CUX1: variants seen among roughly 807,000 people sequenced by gnomAD.
The protein encoded by CUX1 is cut like homeobox 1, also known as protein CASP.
CUX1 carries 31 observed loss-of-function variants against 158.8 expected under a neutral mutation model. The ratio of observed to expected loss-of-function variants is 0.20; its 90% CI spans 0.15 to 0.26. The LOEUF (loss-of-function observed/expected upper bound fraction) is 0.26, where lower values mean the gene tolerates loss of function less well. Ranked by LOEUF, CUX1 falls within the 10% of genes least tolerant of loss-of-function variation. The probability of loss-of-function intolerance (pLI) is 1.00; values close to 1 mark genes in which losing one functional copy is unlikely to be tolerated. For synonymous variants in CUX1, 879 were observed against 862.1 expected, an observed-to-expected ratio of 1.02 and a Z score of -0.34; for missense variants, 1,589 against 2,014.6, an observed-to-expected ratio of 0.79 and a Z score of 4.04.
chr7:102,159,020 G>A (rs975656378), intron 9 of CUX1, among the ~76,000 whole-genome samples: 4 of 150,060 alleles, frequency 2.7e-5, no homozygotes, highest in Non-Finnish European at 5.9e-5. Flanking sequence ...GTTCCTTAGT[G>A]TAGACATCTC....
chr7:101,920,801 G>A (rs781215690), intron 2 of CUX1, among the ~76,000 whole-genome samples: 3 of 152,132 alleles, frequency 2.0e-5, no homozygotes, highest in Non-Finnish European at 4.4e-5. Flanking sequence ...ATTGAATTAA[G>A]AATCAATCGT....
At chr7:102,077,528 TAA>T (rs35999980) in intron 4 of CUX1, among the ~76,000 whole-genome samples, 1 of 113,944 alleles carries the variant, frequency 8.8e-6, no homozygotes, top group African/African-American at 3.3e-5. Context: ...CCCATCTCTT[TAA>T]AAAAAAAAAA....
chr7:102,065,058 G>A (rs1399285440), intron 3 of CUX1, among the ~76,000 whole-genome samples: 3 of 152,050 alleles, frequency 2.0e-5, no homozygotes, highest in Non-Finnish European at 1.5e-5. Context: ...AGGGAGGATG[G>A]ACTAAACTCC....
chr7:102,189,904 G>T (rs782066222), intron 12 of CUX1, 33 bp downstream of exon 12: 1 of 1,607,990 alleles, frequency 6.2e-7, no homozygotes, highest in South Asian at 1.1e-5. Flanking sequence ...CCCCTCACAC[G>T]CTGGGGCGCA....
At chr7:102,161,796 C>T (rs397479) in intron 9 of CUX1, among the ~76,000 whole-genome samples, 10,159 of 152,026 alleles carry the variant, frequency 0.067, 395 homozygotes, top group African/African-American at 0.085. Context: ...TTAGTAGAGA[C>T]GGGGTTTCAC....
intron 17 of CUX1, among the ~76,000 whole-genome samples, chr7:102,277,196 G>C (rs1180781713): frequency 6.6e-6 from 1 of 152,074 alleles, no homozygotes; most frequent in Non-Finnish European, 1.5e-5. Context: ...TACCTGGGAG[G>C]CTGAGATGGG....
intron 5 of CUX1, among the ~76,000 whole-genome samples, chr7:102,100,845 G>T (rs782786445): frequency 1.8e-4 from 27 of 152,068 alleles, no homozygotes; most frequent in Non-Finnish European, 3.8e-4. Context: ...ATTGTGTGTT[G>T]CTGTAAAGAA....
At chr7:102,112,724 T>A (rs1416762513) in intron 7 of CUX1, among the ~76,000 whole-genome samples, 1 of 151,958 alleles carries the variant, frequency 6.6e-6, no homozygotes, top group Admixed American at 6.6e-5. Flanking sequence ...ATGCCCGCCA[T>A]AATACCCGCC....
At chr7:101,920,493 A>G (rs529999545) in intron 2 of CUX1, among the ~76,000 whole-genome samples, 10 of 152,304 alleles carry the variant, frequency 6.6e-5, no homozygotes, top group Non-Finnish European at 1.3e-4. Flanking sequence ...TCCTGCGCTC[A>G]AGCAGGGTCC....
At chr7:101,937,966 C>T (rs1807147046) in intron 2 of CUX1, among the ~76,000 whole-genome samples, 1 of 152,194 alleles carries the variant, frequency 6.6e-6, no homozygotes, top group African/African-American at 2.4e-5. Context: ...GTTCTACCCA[C>T]ACTCTTGCCC....
rs782625196 is a variant in CUX1 at position 102,255,885 on chromosome 7, A to G, written c.*6843A>G. The G allele has an allele frequency of 6.1e-6, 6 of 985,250 alleles. No homozygotes were observed. The highest frequency in any genetic ancestry group is 6.0e-6 in the Non-Finnish European group (5 of 829,806). The allele number at this position is 985,250 out of a possible 1,614,324, so 61.0% of individuals were successfully genotyped here. On this transcript the variant is annotated 3_prime_UTR_variant, in exon 24 of 24. Transcript: ENST00000292535. ...TAAACGGAAAGCACTTAAATAGATG[A>G]CTATGTGTAAAAGCTCTGTGCAATT...
In CUX1 at chr7:102,057,148, G is replaced by A. The variant is rs568873669; in HGVS notation, c.190-13191G>A. Among the ~76,000 whole-genome samples the A allele has an allele frequency of 5.9e-5, 9 of 152,178 alleles. No homozygotes were observed. In the East Asian group the frequency reaches 1.5e-3, roughly 26 times the overall value. ...GATCTCCTGACCTCGTGATCCGCCC[G>A]CCGCAGCCTCCCAAAGTGCTGGGAT... On this transcript the variant is annotated intron_variant, in intron 3 of 23. Transcript: ENST00000292535.
Position 102,252,168 on chromosome 7 carries a change from A to C in CUX1, c.*3126A>C. On this transcript the variant is annotated 3_prime_UTR_variant, in exon 24 of 24. Transcript: ENST00000292535. The stretch of plus-strand genomic sequence containing the variant: ...TCCTAACCTTAGATCTTTGATGTGA[A>C]GCTAGCACTGTCTGTAATACTTCTA... 3.0e-6 allele frequency: 3 copies of C among 985,376 alleles called. No individual in the cohort carries two copies. Among genetic ancestry groups the C allele is most frequent in the Non-Finnish European group, 3.6e-6 (3 of 829,910 alleles). 61.0% of individuals were successfully genotyped at this position (985,376 alleles called of 1,614,324 possible).
intron 20 of CUX1, among the ~76,000 whole-genome samples, chr7:102,210,425 A>G (rs1554522820): frequency 6.6e-6 from 1 of 151,986 alleles, no homozygotes; most frequent in Admixed American, 6.6e-5. Flanking sequence ...CAAATACCCA[A>G]GTAACCTGGT....
chr7:102,025,861 G>C (rs1471021845), intron 2 of CUX1, among the ~76,000 whole-genome samples: 1 of 152,140 alleles, frequency 6.6e-6, no homozygotes, highest in Non-Finnish European at 1.5e-5. Context: ...AACGTGGGCT[G>C]TGATGATATT....
At chr7:102,023,316 A>G (rs961215349) in intron 2 of CUX1, among the ~76,000 whole-genome samples, 3 of 152,176 alleles carry the variant, frequency 2.0e-5, no homozygotes, top group Non-Finnish European at 4.4e-5. Context: ...GTTTATGACC[A>G]CAAAGAAGGA....
chr7:102,239,304 A>G lies in CUX1; in HGVS notation c.3623-16A>G, dbSNP rs1254382639. The G allele has an allele frequency of 1.3e-6, 2 of 1,591,736 alleles. No individual in the cohort carries two copies. Among genetic ancestry groups the G allele is most frequent in the Non-Finnish European group, 1.7e-6 (2 of 1,164,888 alleles). On this transcript the variant is annotated splice_polypyrimidine_tract_variant and intron_variant, in intron 22 of 23. Transcript: ENST00000292535. ...CAGCTGGGCCTGACCTTAGTCTGCCATCTCTTCCTCCGCAGCCTACATGAA... is the reference window on the plus strand; with the variant it reads ...CAGCTGGGCCTGACCTTAGTCTGCCGTCTCTTCCTCCGCAGCCTACATGAA...
chr7:101,984,092 ATATATATATATATATATAT>A (rs1813892433), intron 2 of CUX1, among the ~76,000 whole-genome samples: 1 of 19,626 alleles, frequency 5.1e-5, no homozygotes, highest in Non-Finnish European at 1.0e-4. Flanking sequence ...AAAAAAAAAT[ATATATATATATATATATAT>A]ATATATATAT....
intron 14 of CUX1, among the ~76,000 whole-genome samples, chr7:102,267,039 G>C (rs1312425622): frequency 3.9e-5 from 6 of 152,118 alleles, no homozygotes; most frequent in African/African-American, 1.4e-4. Flanking sequence ...CCATTGCATA[G>C]GGGTGGGGGC....
Sources: gnomAD v4.1 joint callset for allele counts (sites outside exome capture counted in the v4.1 genomes callset) on GRCh38, gnomAD v4.1.1 for gene constraint, MANE v1.5 for transcripts, NCBI Gene and HGNC (gene_info 2026-07-23, HGNC 2026-07-21) for gene names.